MAPK8IP1: variants seen among roughly 807,000 people sequenced by gnomAD.
MAPK8IP1 encodes the protein mitogen-activated protein kinase 8 interacting protein 1, also known as C-Jun-amino-terminal kinase-interacting protein 1.
MAPK8IP1 carries 17 observed loss-of-function variants against 72.6 expected under a neutral mutation model. The observed-to-expected ratio is 0.23, with a 90% CI of 0.16 to 0.35. The LOEUF (loss-of-function observed/expected upper bound fraction) is 0.35. Ranked by LOEUF, MAPK8IP1 falls within the 10% of genes least tolerant of loss-of-function variation. The probability of loss-of-function intolerance (pLI) is 1.00; values close to 1 mark genes in which losing one functional copy is unlikely to be tolerated. For synonymous variants in MAPK8IP1, 401 were observed against 443.4 expected (o/e 0.90, Z 1.20); for missense variants, 789 against 1,009.7 (o/e 0.78, Z 2.96).
At chr11:45,905,579 C>T in intron 11 of MAPK8IP1, 70 bp from the exon 12 acceptor site, 1 of 1,420,406 alleles carries the variant, frequency 7.0e-7, no homozygotes, top group Non-Finnish European at 1.0e-6. Flanking sequence ...GCGGGAAAAC[C>T]CTGGGTCGGG....
At position 45,900,059 on chromosome 11, in the gene MAPK8IP1, C is replaced by A; in HGVS notation, c.208-79C>A. 1.1e-6 allele frequency: 1 copy of A among 939,292 alleles called. No homozygotes were observed. Among genetic ancestry groups the A allele is most frequent in the Non-Finnish European group, 1.3e-6 (1 of 746,794 alleles). The allele number at this position is 939,292 out of a possible 1,614,324, so 58.2% of individuals were successfully genotyped here. ...CCCCCTTCGCGCCACAGAATGGACT[C>A]GCCCGGGCGGGGGGCGGTGCAAGCG... On this transcript the variant is annotated intron_variant, in intron 2 of 11. Transcript: ENST00000241014. The surrounding 1 kb of genome is among the most constrained non-coding windows in gnomAD (Gnocchi z 6.5).
chr11:45,902,634 C>T lies in MAPK8IP1; in HGVS notation c.867C>T (p.Pro289=). The T allele has an allele frequency of 6.2e-7, 1 of 1,612,970 alleles. No homozygotes were observed. Among genetic ancestry groups the T allele is most frequent in the Non-Finnish European group, 8.5e-7 (1 of 1,179,934 alleles). Residue 289 remains proline (P), a synonymous_variant, in exon 5 of 12, where the codon CCC becomes CCT. Transcript: ENST00000241014. This position sits in a 1 kb window ranked among gnomAD's most constrained non-coding sequence, Gnocchi z 9.3. ...TCTACCTGACCCCAGTGCAGAGGCCCCCAGACGCTGCAGAGCCCACCTCCG... is the reference window on the plus strand; with the variant it reads ...TCTACCTGACCCCAGTGCAGAGGCCTCCAGACGCTGCAGAGCCCACCTCCG... The part of the protein sequence containing the change: ...EEIYLTPVQR[P]PDAAEPTSAF...
rs760935424 is a variant in MAPK8IP1, at chr11:45,902,524, G to C, written c.757G>C (p.Ala253Pro). 3 of 1,611,012 alleles carry C rather than the reference G, an allele frequency of 1.9e-6. No homozygotes were observed. The highest frequency in any genetic ancestry group is 2.5e-6 in the Non-Finnish European group (3 of 1,179,206). The change falls in exon 5 of 12, where the codon GCT (alanine) becomes CCT (proline). Residue 253 changes from alanine to proline, a missense_variant. By Grantham distance (27) the Ala-to-Pro change is conservative (BLOSUM62 -1). This residue lies in a region of MAPK8IP1 where 377 missense variants were observed against 411.7 expected (regional missense o/e 0.92). Coordinates refer to ENST00000241014, the MANE Select transcript of MAPK8IP1 (RefSeq NM_005456.4). This position sits in a 1 kb window ranked among gnomAD's most constrained non-coding sequence, Gnocchi z 9.3. ...TQMAPPGGPP[A>P]APPGGRGHSH... ...GATGGCACCTCCGGGTGGTCCCCCT[G>C]CTGCCCCGCCTGGGGGTCGGGGCCA...
At chr11:45,901,918 G>A in intron 3 of MAPK8IP1, 62 bp from the exon 4 acceptor site, 1 of 1,303,190 alleles carries the variant, frequency 7.7e-7, no homozygotes, top group Non-Finnish European at 1.1e-6. Flanking sequence ...CAGGGCCGGG[G>A]CCTCCCTGTG....
intron 1 of MAPK8IP1, among the ~76,000 whole-genome samples, chr11:45,887,342 A>G (rs949508732): frequency 1.3e-5 from 2 of 152,186 alleles, no homozygotes; most frequent in Non-Finnish European, 2.9e-5. Flanking sequence ...GTGTTCAACA[A>G]GTGTCAGCCC....
rs201516719 is a variant in MAPK8IP1 at position 45,898,975 on chromosome 11, C to T, written c.207+785C>T. On this transcript the variant is annotated intron_variant, in intron 2 of 11. Coordinates refer to ENST00000241014, the MANE Select transcript of MAPK8IP1 (RefSeq NM_005456.4). ...GAGCTCCTCTGAGCCCCCAAGAGGGCGGGTAGCCAGATACGGTGTCAGGAG... is the reference window on the plus strand; with the variant it reads ...GAGCTCCTCTGAGCCCCCAAGAGGGTGGGTAGCCAGATACGGTGTCAGGAG... Among the ~76,000 whole-genome samples the T allele has an allele frequency of 9.2e-5, 14 of 152,302 alleles. 1 individual carries two copies. The East Asian group carries it at 1.3e-3, about 15-fold the overall frequency.
At chr11:45,899,410 T>C (rs1479245438) in intron 2 of MAPK8IP1, among the ~76,000 whole-genome samples, 4 of 152,130 alleles carry the variant, frequency 2.6e-5, no homozygotes, top group Non-Finnish European at 5.9e-5. Context: ...AATACTCAGC[T>C]CTCTCAGAGG....
chr11:45,898,348 G>A lies in MAPK8IP1; in HGVS notation c.207+158G>A, dbSNP rs569136958. Among the ~76,000 whole-genome samples the A allele has an allele frequency of 7.4e-4, 113 of 152,262 alleles. 1 individual carries two copies. The highest frequency in any genetic ancestry group is 4.4e-3 in the South Asian group (21 of 4,822). The stretch of plus-strand genomic sequence containing the variant: ...GAAACATAGGTATACTGCTTGGCAC[G>A]TCTTGAGTGTACAATCAGAATTTCA... On this transcript the variant is annotated intron_variant, in intron 2 of 11. Coordinates refer to ENST00000241014, the MANE Select transcript of MAPK8IP1 (RefSeq NM_005456.4).
Position 45,904,973 on chromosome 11 carries a change from G to A in MAPK8IP1, c.1896G>A (p.Gly632=). The change falls in exon 10 of 12, where the codon GGG becomes GGA. Residue 632 remains glycine, a splice_region_variant and synonymous_variant. Coordinates refer to ENST00000241014, the MANE Select transcript of MAPK8IP1 (RefSeq NM_005456.4). The surrounding 1 kb of genome is among the most constrained non-coding windows in gnomAD (Gnocchi z 6.4). ...TGCTTCTTTTCTCCCTCCTGTAGGG[G>A]AATAAATGTAGCCACTTTTTCCAGT... is the stretch of plus-strand genomic sequence containing the variant. ...VKADDSQEAK[G]NKCSHFFQLK... The A allele has an allele frequency of 6.2e-7, 1 of 1,614,030 alleles. No homozygotes were observed. Among genetic ancestry groups the A allele is most frequent in the Non-Finnish European group, 8.5e-7 (1 of 1,179,958 alleles).
rs549494987 is a variant in MAPK8IP1, at chr11:45,890,722, G to A, written c.101+4801G>A. Among the ~76,000 whole-genome samples, 28 of 152,124 alleles carry A rather than the reference G, an allele frequency of 1.8e-4. No individual in the cohort carries two copies. In the South Asian group the frequency reaches 2.5e-3, roughly 14 times the overall value. On this transcript the variant is annotated intron_variant, in intron 1 of 11. Transcript: ENST00000241014. ...GGTGTCCAGTGGGAGACCAGAGGGC[G>A]GTGGGCAGGGTGTGAAAATCATGTG...
intron 2 of MAPK8IP1, among the ~76,000 whole-genome samples, chr11:45,899,447 T>G (rs180709401): frequency 9.7e-4 from 148 of 152,302 alleles, no homozygotes; most frequent in African/African-American, 3.4e-3. Context: ...TTATCCCCAC[T>G]CAACTGATGA....
chr11:45,885,990 G>A, intron 1 of MAPK8IP1, 69 bp downstream of exon 1: 3 of 996,928 alleles, frequency 3.0e-6, no homozygotes, highest in South Asian at 2.4e-5. Context: ...TGCCCTGCCC[G>A]CCCCCCACCC....
intron 3 of MAPK8IP1, among the ~76,000 whole-genome samples, chr11:45,901,533 C>G (rs2086652831): frequency 6.6e-6 from 1 of 152,146 alleles, no homozygotes; most frequent in Non-Finnish European, 1.5e-5. Flanking sequence ...TAGGCCATAA[C>G]TTCCCAAGCT....
In MAPK8IP1 at chr11:45,904,623, G is replaced by C; in HGVS notation, c.1776+59G>C. ...TGGGTCCCTGGGGCAGAGGGACGCA[G>C]GTGTCTAGAGGCAGTAAAGGGCTCA... On this transcript the variant is annotated intron_variant, in intron 8 of 11. Coordinates refer to ENST00000241014, the MANE Select transcript of MAPK8IP1 (RefSeq NM_005456.4). This position sits in a 1 kb window ranked among gnomAD's most constrained non-coding sequence, Gnocchi z 6.4. The C allele has an allele frequency of 6.3e-7, 1 of 1,590,530 alleles. No individual in the cohort carries two copies.
intron 1 of MAPK8IP1, chr11:45,896,529 G>T: frequency 9.1e-7 from 1 of 1,101,250 alleles, no homozygotes. Context: ...CATTGGAAGG[G>T]CAGGTGGAGC....
intron 2 of MAPK8IP1, among the ~76,000 whole-genome samples, chr11:45,899,605 G>C (rs1020281230): frequency 6.6e-6 from 1 of 152,184 alleles, no homozygotes; most frequent in Non-Finnish European, 1.5e-5. Flanking sequence ...CTTAGGGCGC[G>C]GCTGCCACCG....
intron 1 of MAPK8IP1, among the ~76,000 whole-genome samples, chr11:45,895,074 G>C (rs1165537850): frequency 3.3e-5 from 5 of 152,234 alleles, no homozygotes; most frequent in South Asian, 2.1e-4. Flanking sequence ...CGCAGACTAC[G>C]CATGGAGCTG....
In MAPK8IP1 at chr11:45,902,776, G is replaced by A. The variant is rs1385332521; in HGVS notation, c.1009G>A (p.Asp337Asn). 1.0e-5 allele frequency: 16 copies of A among 1,596,940 alleles called. No homozygotes were observed. In the Admixed American group the frequency reaches 1.4e-4, roughly 14 times the overall value. The change falls in exon 5 of 12, where the codon GAC becomes AAC. Residue 337 changes from aspartate (D) to asparagine (N), a missense_variant. Asp to Asn is a conservative substitution (Grantham distance 23). Coordinates refer to ENST00000241014, the MANE Select transcript of MAPK8IP1 (RefSeq NM_005456.4). This position sits in a 1 kb window ranked among gnomAD's most constrained non-coding sequence, Gnocchi z 9.3. Reference sequence around the variant, plus strand: ...CATCAGTGAAGAGGAAGAGGGCTTCGACTGCCTGTCGTCCCCAGAGCGGGC... The same window carrying A: ...CATCAGTGAAGAGGAAGAGGGCTTCAACTGCCTGTCGTCCCCAGAGCGGGC... ...PSISEEEEGF[D>N]CLSSPERAEP... is the part of the protein sequence containing the mutation.
intron 1 of MAPK8IP1, chr11:45,896,822 C>T (rs1245348915): frequency 9.7e-6 from 15 of 1,546,088 alleles, no homozygotes; most frequent in Non-Finnish European, 8.7e-7. Context: ...CCCCACCCTT[C>T]CGGGCATGAG....
Sources: gnomAD v4.1 joint callset for allele counts (sites outside exome capture counted in the v4.1 genomes callset) on GRCh38, gnomAD v4.1.1 for gene constraint, gnomAD v4.1.1 regional missense constraint, Gnocchi (gnomAD v3.1) non-coding constraint, MANE v1.5 for transcripts, NCBI Gene and HGNC (gene_info 2026-07-23, HGNC 2026-07-21) for gene names.